ANXA8: variants seen among roughly 807,000 people sequenced by gnomAD.
The protein encoded by ANXA8 is annexin A8, also known as VAC-beta.
In ANXA8, 9 loss-of-function variants were observed where a neutral mutation model predicts 26.8. The ratio of observed to expected loss-of-function variants is 0.34; its 90% CI spans 0.20 to 0.59. The LOEUF (loss-of-function observed/expected upper bound fraction) is 0.59, where lower values mean the gene tolerates loss of function less well. Among genes scored for constraint, ANXA8 ranks in the 20% least tolerant of loss-of-function variants. ANXA8 has a pLI of 0.84. For synonymous variants in ANXA8, 39 were observed against 94.8 expected (o/e 0.41, Z 3.42); for missense variants, 83 against 238.5 (o/e 0.35, Z 4.29).
chr10:47,660,099 G>A, the ANXA8 span, among the ~76,000 whole-genome samples: 3 of 147,082 alleles, frequency 2.0e-5, no homozygotes, highest in Non-Finnish European at 3.0e-5. Context: ...CCTTAGGCAA[G>A]CTACTTAACC....
At chr10:47,969,650 C>T in the ANXA8 span, among the ~76,000 whole-genome samples, 3 of 147,006 alleles carry the variant, frequency 2.0e-5, no homozygotes, top group Non-Finnish European at 3.0e-5. Flanking sequence ...CGAAGGGCCC[C>T]TGTGGTTACA....
the ANXA8 span, among the ~76,000 whole-genome samples, chr10:47,704,991 C>T: frequency 2.6e-5 from 4 of 152,054 alleles, no homozygotes; most frequent in South Asian, 2.1e-4. Context: ...ATTTCAAGGG[C>T]GCAGTGGCTC....
At chr10:47,954,121 C>T in the ANXA8 span, among the ~76,000 whole-genome samples, 3 of 150,720 alleles carry the variant, frequency 2.0e-5, no homozygotes, top group Non-Finnish European at 4.4e-5. Flanking sequence ...TTCACAATAG[C>T]CAAGATTTGA....
At chr10:47,956,682 C>A in the ANXA8 span, among the ~76,000 whole-genome samples, 1 of 150,884 alleles carries the variant, frequency 6.6e-6, no homozygotes, top group South Asian at 2.1e-4. Flanking sequence ...CTCTGGGGAC[C>A]AGCTTGTGCA....
chr10:47,683,235 T>C, the ANXA8 span, among the ~76,000 whole-genome samples: 3 of 147,306 alleles, frequency 2.0e-5, no homozygotes, highest in Non-Finnish European at 4.5e-5. Context: ...TTTTTTTTTT[T>C]TTTTTTTTTT....
chr10:47,577,405 T>C, the ANXA8 span, among the ~76,000 whole-genome samples: 1 of 150,324 alleles, frequency 6.7e-6, no homozygotes, highest in East Asian at 1.9e-4. Context: ...AAGGTGGCTC[T>C]GGCCTGTGGT....
the ANXA8 span, among the ~76,000 whole-genome samples, chr10:47,533,223 A>ACC: frequency 4.9e-4 from 68 of 139,196 alleles, 3 homozygotes; most frequent in East Asian, 2.0e-3. Flanking sequence ...ACACACACAC[A>ACC]CCCCCGCAGA....
the ANXA8 span, among the ~76,000 whole-genome samples, chr10:47,662,400 GT>G: frequency 6.7e-6 from 1 of 149,398 alleles, no homozygotes; most frequent in African/African-American, 2.5e-5. Context: ...GCAGTAGTGA[GT>G]TAGTTCTCAC....
At chr10:47,660,383 T>TTTTC in the ANXA8 span, among the ~76,000 whole-genome samples, 86 of 151,282 alleles carry the variant, frequency 5.7e-4, no homozygotes, top group African/African-American at 1.4e-3. Flanking sequence ...AAAAGTGGTA[T>TTTTC]TTTCTTTCTT....
At chr10:47,592,444 C>CA in the ANXA8 span, among the ~76,000 whole-genome samples, 1 of 147,762 alleles carries the variant, frequency 6.8e-6, no homozygotes, top group East Asian at 1.9e-4. Flanking sequence ...AGATAGGCCC[C>CA]ATCACCAGTG....
At chr10:47,748,505 A>G in the ANXA8 span, among the ~76,000 whole-genome samples, 8 of 152,238 alleles carry the variant, frequency 5.3e-5, no homozygotes, top group Admixed American at 4.6e-4. Flanking sequence ...GAGCCACCGC[A>G]CCCGACCCAG....
chr10:47,913,933 CTTTTTTTTTTTTTTTTT>C, the ANXA8 span, among the ~76,000 whole-genome samples: 7 of 32,544 alleles, frequency 2.2e-4, 2 homozygotes, highest in Admixed American at 1.4e-3. Flanking sequence ...TTAGAATCTT[CTTTTTTTTTTTTTTTTT>C]TTTTTTTTTT....
At chr10:47,560,578 C>A in the ANXA8 span, among the ~76,000 whole-genome samples, 1 of 151,796 alleles carries the variant, frequency 6.6e-6, no homozygotes, top group African/African-American at 2.4e-5. Context: ...TTGAGATTTG[C>A]CTGTTTGACC....
chr10:47,501,310 G>T, the ANXA8 span, among the ~76,000 whole-genome samples: 3 of 143,936 alleles, frequency 2.1e-5, no homozygotes, highest in African/African-American at 5.1e-5. Context: ...GCCTCCCAAA[G>T]TGCTAGGATT....
chr10:47,595,917 T>G, the ANXA8 span, among the ~76,000 whole-genome samples: 8 of 148,930 alleles, frequency 5.4e-5, 1 homozygote, highest in African/African-American at 2.1e-4. Flanking sequence ...TTGAACCTAA[T>G]AGACATCTAC....
chr10:47,938,703 G>T, the ANXA8 span, among the ~76,000 whole-genome samples: 1 of 146,982 alleles, frequency 6.8e-6, no homozygotes, highest in Non-Finnish European at 1.5e-5. Flanking sequence ...CGGGGCTCTG[G>T]GCCTCCTCCT....
the ANXA8 span, chr10:47,588,616 A>G: frequency 6.9e-6 from 1 of 145,524 alleles, no homozygotes; most frequent in Non-Finnish European, 1.5e-5. Context: ...TCGCTCAGAA[A>G]ATGAGGATAA....
the ANXA8 span, chr10:47,970,062 T>C: frequency 6.6e-6 from 1 of 151,474 alleles, no homozygotes; most frequent in Non-Finnish European, 1.5e-5. Flanking sequence ...ACTTCTTTAA[T>C]GGGAAGCTGA....
the ANXA8 span, among the ~76,000 whole-genome samples, chr10:47,578,272 T>C: frequency 0.15 from 7,111 of 47,088 alleles, 3,247 homozygotes; most frequent in African/African-American, 0.65. Flanking sequence ...GCAGAGATTG[T>C]GCCACTGCAC....
Sources: allele counts gnomAD v4.1 joint callset (sites outside exome capture counted in the v4.1 genomes callset), GRCh38; gene constraint gnomAD v4.1.1; transcripts MANE v1.5; gene names NCBI Gene and HGNC (gene_info 2026-07-23, HGNC 2026-07-21).